The following SDK2 variants were observed in gnomAD, a reference collection of about 807,000 sequenced individuals.
The protein encoded by SDK2 is protein sidekick-2.
Under a neutral mutation model 253.9 loss-of-function variants are expected in SDK2, and 105 were observed. The ratio of observed to expected loss-of-function variants is 0.41; its 90% confidence interval spans 0.35 to 0.49. The LOEUF (loss-of-function observed/expected upper bound fraction) is 0.49, where lower values mean the gene tolerates loss of function less well. Among genes scored for constraint, SDK2 ranks in the 20% least tolerant of loss-of-function variants. The pLI is 0.06. For synonymous variants in SDK2, 1,249 were observed against 1,234.9 expected, an observed-to-expected ratio of 1.01 and a Z score of -0.24; for missense variants, 2,608 against 3,003.0, an observed-to-expected ratio of 0.87 and a Z score of 3.07.
chr17:73,614,995 A>T (rs956296308), intron 1 of SDK2, among the ~76,000 whole-genome samples: 3 of 151,312 alleles, frequency 2.0e-5, no homozygotes, highest in African/African-American at 7.3e-5. Flanking sequence ...AAAAAAAAAA[A>T]AGAAAGTTTG....
intron 1 of SDK2, among the ~76,000 whole-genome samples, chr17:73,621,748 A>G (rs1378756370): frequency 6.6e-6 from 1 of 152,174 alleles, no homozygotes; most frequent in Non-Finnish European, 1.5e-5. Context: ...ATATCCATAG[A>G]AATTACTCAA....
chr17:73,603,278 T>A (rs907425994), intron 1 of SDK2, among the ~76,000 whole-genome samples: 20 of 152,138 alleles, frequency 1.3e-4, no homozygotes, highest in African/African-American at 4.8e-4. Context: ...GATCAGTGTA[T>A]CTATCCTGGA....
chr17:73,342,688 G>A (rs1188522291), intron 44 of SDK2, among the ~76,000 whole-genome samples: 1 of 152,158 alleles, frequency 6.6e-6, no homozygotes, highest in African/African-American at 2.4e-5. Flanking sequence ...GGTGACTGTG[G>A]GACCATCCCA....
At chr17:73,559,877 T>G (rs1167401480) in intron 1 of SDK2, among the ~76,000 whole-genome samples, 2 of 152,116 alleles carry the variant, frequency 1.3e-5, no homozygotes, top group African/African-American at 2.4e-5. Flanking sequence ...CCTGGCCTGA[T>G]CCCCCCAGGG....
Position 73,435,371 on chromosome 17 carries a change from GC to G in SDK2, c.1195+78del. 1 of 1,367,718 alleles carries G rather than the reference GC, an allele frequency of 7.3e-7. No individual in the cohort carries two copies. Among genetic ancestry groups the G allele is most frequent in the Non-Finnish European group, 9.9e-7 (1 of 1,006,898 alleles). 84.7% of individuals were successfully genotyped at this position (1,367,718 alleles called of 1,614,324 possible). A position where few individuals can be genotyped will look rare whatever the true frequency, so the allele number is the denominator to read the frequency against. On this transcript the variant is annotated intron_variant, in intron 9 of 44. Coordinates refer to ENST00000392650, the MANE Select transcript of SDK2 (RefSeq NM_001144952.2). This position sits in a 1 kb window ranked among gnomAD's most constrained non-coding sequence, Gnocchi z 5.7. ...TAATGGAACGTGCTATGCACAAGAG[GC>G]CCCTCGGAAGACCTTGGAAGAAAGC...
At chr17:73,479,900 C>T (rs928016271) in intron 2 of SDK2, among the ~76,000 whole-genome samples, 1 of 152,208 alleles carries the variant, frequency 6.6e-6, no homozygotes, top group African/African-American at 2.4e-5. Flanking sequence ...GCCATGTTGG[C>T]CAGGCTGATC....
chr17:73,587,890 AC>A (rs1206251445), intron 1 of SDK2, among the ~76,000 whole-genome samples: 1 of 152,030 alleles, frequency 6.6e-6, no homozygotes, highest in Non-Finnish European at 1.5e-5. Context: ...AATTCTTCAC[AC>A]CCTCAGGGAG....
rs545589945 is a variant in SDK2 at position 73,338,709 on chromosome 17, G to C, written c.6397C>G (p.Arg2133Gly). 52 of 1,610,530 alleles carry C rather than the reference G, an allele frequency of 3.2e-5. No individual in the cohort carries two copies. In the East Asian group the frequency reaches 1.1e-3, roughly 35 times the overall value. ...GGGGGGTTCTGGGGCGTTGGAGTCCGACTGGCCTTGGGCCGAAAGAGGCTG... is the reference window on the plus strand; with the variant it reads ...GGGGGGTTCTGGGGCGTTGGAGTCCCACTGGCCTTGGGCCGAAAGAGGCTG... ...QGSLFRPKAS[R>G]TPTPQNPPNP... Residue 2133 changes from arginine to glycine, a missense_variant, in exon 45 of 45, where the codon CGG becomes GGG. Physicochemically the swap from Arg to Gly is moderately radical, Grantham distance 125. Transcript: ENST00000392650. The surrounding 1 kb of genome is among the most constrained non-coding windows in gnomAD (Gnocchi z 5.0).
chr17:73,461,180 C>T (rs889182505), intron 3 of SDK2, among the ~76,000 whole-genome samples: 6 of 152,274 alleles, frequency 3.9e-5, no homozygotes, highest in Non-Finnish European at 7.3e-5. Flanking sequence ...CCTGACAAGA[C>T]ATCTGGGCCT....
chr17:73,476,915 G>A (rs1267643400), intron 2 of SDK2, among the ~76,000 whole-genome samples: 3 of 152,296 alleles, frequency 2.0e-5, no homozygotes, highest in Non-Finnish European at 4.4e-5. Context: ...AGCAGTGCGG[G>A]TACAACCTCT....
At chr17:73,460,762 G>GT (rs1476516889) in intron 3 of SDK2, among the ~76,000 whole-genome samples, 2 of 152,082 alleles carry the variant, frequency 1.3e-5, no homozygotes, top group Non-Finnish European at 2.9e-5. Context: ...GTTTTTAGTT[G>GT]TTTATTAATT....
chr17:73,495,228 C>A (rs1287352607), intron 2 of SDK2, among the ~76,000 whole-genome samples: 1 of 152,212 alleles, frequency 6.6e-6, no homozygotes, highest in African/African-American at 2.4e-5. Flanking sequence ...CACAGAAGGG[C>A]AGCTCAGCTC....
intron 2 of SDK2, among the ~76,000 whole-genome samples, chr17:73,473,254 C>T (rs1030489777): frequency 6.6e-6 from 1 of 152,166 alleles, no homozygotes; most frequent in Non-Finnish European, 1.5e-5. Context: ...GGTGTATGTA[C>T]ATTCACCTAG....
At chr17:73,540,009 C>T (rs994435048) in intron 1 of SDK2, among the ~76,000 whole-genome samples, 1 of 146,456 alleles carries the variant, frequency 6.8e-6, no homozygotes, top group South Asian at 2.3e-4. Flanking sequence ...CAGCCCCCAC[C>T]AGAGACGGGG....
At position 73,399,266 on chromosome 17, in the gene SDK2, G is replaced by A; in HGVS notation, c.2995C>T (p.Leu999=). 1.9e-6 allele frequency: 3 copies of A among 1,613,828 alleles called. No homozygotes were observed. Among genetic ancestry groups the A allele is most frequent in the East Asian group, 2.2e-5 (1 of 44,872 alleles). ...PPELPGPPTN[L]GISNIGPRSV... ...CGGGGGCCGATGTTGGAAATGCCCA[G>A]GTTGGTGGGGGGCCCTGGGAGTTCT... The change falls in exon 22 of 45, where the codon CTG becomes TTG. Residue 999 remains leucine, a synonymous_variant. Transcript: ENST00000392650.
chr17:73,607,735 AC>A lies in SDK2; in HGVS notation c.64+36289del, dbSNP rs1288057804. The stretch of plus-strand genomic sequence containing the variant: ...ACAGAGGCCACACGGCTGGAAAGCA[AC>A]AGAGAGTCGGATCTCGGGGACCTCC... On this transcript the variant is annotated intron_variant, in intron 1 of 44. Transcript: ENST00000392650. Among the ~76,000 whole-genome samples, 3 of 152,174 alleles carry A rather than the reference AC, an allele frequency of 2.0e-5. No homozygotes were observed. In the East Asian group the frequency reaches 5.8e-4, roughly 29 times the overall value.
Position 73,350,239 on chromosome 17 carries a change from G to C in SDK2, c.6036C>G (p.Thr2012=). 1 of 844,714 alleles carries C rather than the reference G, an allele frequency of 1.2e-6. No homozygotes were observed. The highest frequency in any genetic ancestry group is 1.5e-6 in the Non-Finnish European group (1 of 648,794). 52.3% of individuals were successfully genotyped at this position (844,714 alleles called of 1,614,324 possible). A position where few individuals can be genotyped will look rare whatever the true frequency, so the allele number is the denominator to read the frequency against. The change falls in exon 43 of 45, where the codon ACC becomes ACG. Residue 2012 remains threonine, a splice_region_variant and synonymous_variant. Coordinates refer to ENST00000392650, the MANE Select transcript of SDK2 (RefSeq NM_001144952.2). The stretch of plus-strand genomic sequence containing the variant: ...AACCCACGCAGAGGGCCCAGTACCT[G>C]GTGTACAGGCCGTTCTTTCGGCAGA... ...NSFCRKNGLY[T]RSPPRPSPGS...
chr17:73,339,235 G>T (rs9896390), intron 44 of SDK2, among the ~76,000 whole-genome samples: 50,074 of 135,760 alleles, frequency 0.37, 9,892 homozygotes, highest in Non-Finnish European at 0.45. Context: ...TTTTGTTTTT[G>T]TTTTTTTTTT....
At chr17:73,608,478 T>C (rs552673711) in intron 1 of SDK2, among the ~76,000 whole-genome samples, 1 of 152,298 alleles carries the variant, frequency 6.6e-6, no homozygotes, top group East Asian at 1.9e-4. Flanking sequence ...GTTTTGCCCT[T>C]GTCACCCAGG....
Sources: allele counts gnomAD v4.1 joint callset (sites outside exome capture counted in the v4.1 genomes callset), GRCh38; gene constraint gnomAD v4.1.1; non-coding constraint Gnocchi (gnomAD v3.1); transcripts MANE v1.5; gene names NCBI Gene and HGNC (gene_info 2026-07-23, HGNC 2026-07-21).